Variants in KIAA1958 observed in about 807,000 individuals in gnomAD.
KIAA1958 encodes the protein KIAA1958, also known as uncharacterized protein KIAA1958.
KIAA1958 carries 14 observed loss-of-function variants against 47.2 expected under a neutral mutation model. The ratio of observed to expected loss-of-function variants is 0.30; its 90% CI spans 0.20 to 0.46. The LOEUF is 0.46. Ranked by LOEUF, KIAA1958 falls within the 20% of genes least tolerant of loss-of-function variation. KIAA1958 has a pLI of 1.00. For synonymous variants in KIAA1958, 354 were observed against 353.3 expected, an observed-to-expected ratio of 1.00 and a Z score of -0.02; for missense variants, 803 against 909.2, an observed-to-expected ratio of 0.88 and a Z score of 1.50.
intron 1 of KIAA1958, among the ~76,000 whole-genome samples, chr9:112,529,499 C>T (rs1275902296): frequency 6.6e-6 from 1 of 152,062 alleles, no homozygotes; most frequent in East Asian, 1.9e-4. Context: ...TTCAGACTTT[C>T]TTTGTTTTTG....
chr9:112,657,794 T>C (rs1837176352), intron 3 of KIAA1958, among the ~76,000 whole-genome samples: 1 of 152,176 alleles, frequency 6.6e-6, no homozygotes, highest in South Asian at 2.1e-4. Context: ...CTTCCTTCTC[T>C]TCCACCTCTC....
chr9:112,527,453 TGAA>T (rs1169154197), intron 1 of KIAA1958, among the ~76,000 whole-genome samples: 1 of 152,186 alleles, frequency 6.6e-6, no homozygotes, highest in East Asian at 1.9e-4. Context: ...AGGATGAAGT[TGAA>T]GAAGAAAGCA....
At chr9:112,569,180 A>G (rs1168176353) in intron 1 of KIAA1958, among the ~76,000 whole-genome samples, 1 of 152,086 alleles carries the variant, frequency 6.6e-6, no homozygotes, top group Non-Finnish European at 1.5e-5. Flanking sequence ...AAATTCTTGT[A>G]TGATTCCATA....
chr9:112,537,370 G>A (rs557583808), intron 1 of KIAA1958, among the ~76,000 whole-genome samples: 31 of 152,220 alleles, frequency 2.0e-4, no homozygotes, highest in Admixed American at 3.9e-4. Flanking sequence ...CAAAGTGCTG[G>A]GATTACAGGC....
chr9:112,533,636 C>A (rs1834805737), intron 1 of KIAA1958, among the ~76,000 whole-genome samples: 1 of 150,780 alleles, frequency 6.6e-6, no homozygotes, highest in Admixed American at 6.6e-5. Context: ...CACAGTTTCC[C>A]ATTGCTGGGG....
chr9:112,521,960 A>ACTTT (rs910028438), intron 1 of KIAA1958, among the ~76,000 whole-genome samples: 4 of 27,722 alleles, frequency 1.4e-4, no homozygotes, highest in Non-Finnish European at 3.5e-4. Flanking sequence ...GTTTTAAATA[A>ACTTT]CTTTATTTAT....
At chr9:112,604,316 C>T (rs1321239650) in intron 2 of KIAA1958, among the ~76,000 whole-genome samples, 1 of 152,148 alleles carries the variant, frequency 6.6e-6, no homozygotes, top group Non-Finnish European at 1.5e-5. Context: ...TGAGGCTGTT[C>T]CTGAGACCCC....
rs141088207 is a variant in KIAA1958, at chr9:112,579,910, C to T, written c.1171+4659C>T. Reference sequence around the variant, plus strand: ...ATAGTCCAAGGACAGATTTTCAAACCAGCTTTCACTCAGGCTCAGACAGCA... The same window carrying T: ...ATAGTCCAAGGACAGATTTTCAAACTAGCTTTCACTCAGGCTCAGACAGCA... On this transcript the variant is annotated intron_variant, in intron 2 of 3. Coordinates refer to ENST00000337530, the MANE Select transcript of KIAA1958 (RefSeq NM_133465.4). 9.1e-3 allele frequency among the ~76,000 whole-genome samples: 1,389 copies of T among 152,264 alleles called. 5 individuals carry two copies. The highest frequency in any genetic ancestry group is 0.014 in the Non-Finnish European group (978 of 68,024).
At chr9:112,494,115 C>G (rs1332661670) in intron 1 of KIAA1958, among the ~76,000 whole-genome samples, 1 of 152,122 alleles carries the variant, frequency 6.6e-6, no homozygotes, top group East Asian at 1.9e-4. Flanking sequence ...ACTGTAATAC[C>G]AATATGATTT....
intron 2 of KIAA1958, among the ~76,000 whole-genome samples, chr9:112,598,586 C>A (rs1003619838): frequency 6.6e-6 from 1 of 152,110 alleles, no homozygotes; most frequent in African/African-American, 2.4e-5. Flanking sequence ...AACCCTTATT[C>A]AAGTCTTAAA....
chr9:112,555,602 T>C (rs1242279628), intron 1 of KIAA1958, among the ~76,000 whole-genome samples: 1 of 152,228 alleles, frequency 6.6e-6, no homozygotes, highest in East Asian at 1.9e-4. Context: ...ATGGATGGCA[T>C]CTTCTCGTCT....
chr9:112,604,691 A>G (rs981995278), intron 2 of KIAA1958, among the ~76,000 whole-genome samples: 2 of 152,068 alleles, frequency 1.3e-5, no homozygotes, highest in Non-Finnish European at 2.9e-5. Flanking sequence ...GACATTTTTA[A>G]TATGCATTTT....
intron 1 of KIAA1958, among the ~76,000 whole-genome samples, chr9:112,568,936 T>TAAAAAAAAAAAAAAAAAAAAAAAAAAAAA (rs57898820): frequency 2.7e-5 from 1 of 36,454 alleles, no homozygotes; most frequent in Non-Finnish European, 4.5e-5. Context: ...ATAGGAAAAC[T>TAAAAAAAAAAAAAAAAAAAAAAAAAAAAA]AAAAAAAAAA....
intron 1 of KIAA1958, among the ~76,000 whole-genome samples, chr9:112,529,843 T>A (rs1032333352): frequency 2.3e-3 from 1 of 440 alleles, no homozygotes; most frequent in Non-Finnish European, 4.4e-3. Flanking sequence ...CTCCTCTTAC[T>A]TTTTTTTTTT....
intron 1 of KIAA1958, among the ~76,000 whole-genome samples, chr9:112,501,453 A>C (rs1430455945): frequency 3.9e-5 from 6 of 152,194 alleles, no homozygotes. Flanking sequence ...TTGAAAAAAA[A>C]CAAAATGAAA....
chr9:112,645,729 C>A lies in KIAA1958; in HGVS notation c.1251C>A (p.Ser417Arg), dbSNP rs1405856252. Residue 417 changes from serine (S) to arginine (R), a missense_variant, in exon 3 of 4, where the codon AGC becomes AGA. Physicochemically the swap from Ser to Arg is moderately radical, Grantham distance 110. Coordinates refer to ENST00000337530, the MANE Select transcript of KIAA1958 (RefSeq NM_133465.4). ...ATGATCTGTGTACCAGTGCAGTAAG[C>A]CCAAATACTACCAAAGCCACGCGGT... ...DLNDLCTSAV[S>R]PNTTKATRYA... 1 of 1,613,796 alleles carries A rather than the reference C, an allele frequency of 6.2e-7. No homozygotes were observed. The highest frequency in any genetic ancestry group is 8.5e-7 in the Non-Finnish European group (1 of 1,179,892).
chr9:112,487,064 G>T lies in KIAA1958; in HGVS notation c.-79G>T. 1 of 222,934 alleles carries T rather than the reference G, an allele frequency of 4.5e-6. No homozygotes were observed. Among genetic ancestry groups the T allele is most frequent in the South Asian group, 4.8e-5 (1 of 20,850 alleles). 13.8% of individuals were successfully genotyped at this position (222,934 alleles called of 1,614,324 possible). On this transcript the variant is annotated 5_prime_UTR_variant, in exon 1 of 4. Transcript: ENST00000337530. ...GTCCAGCCCGGGCTGCCCGGCTCTCGCAGGCCCCCCCGCGCCGACCGCGTT... is the reference window on the plus strand; with the variant it reads ...GTCCAGCCCGGGCTGCCCGGCTCTCTCAGGCCCCCCCGCGCCGACCGCGTT...
rs11327633 is a variant in KIAA1958, at chr9:112,645,135, CAA to C, written c.1172-500_1172-499del. 5.0e-3 allele frequency among the ~76,000 whole-genome samples: 684 copies of C among 136,312 alleles called. 1 individual carries two copies. Among genetic ancestry groups the C allele is most frequent in the African/African-American group, 0.01 (365 of 36,442 alleles). 89.4% of individuals were successfully genotyped at this position (136,312 alleles called of 152,430 possible). On this transcript the variant is annotated intron_variant, in intron 2 of 3. Transcript: ENST00000337530. ...GGGCGATAAGCGCAAAACTTTGTCT[CAA>C]AAAAAAAAAAAAAATGCTAACACCA...
chr9:112,523,790 G>T (rs1454962699), intron 1 of KIAA1958, among the ~76,000 whole-genome samples: 1 of 152,162 alleles, frequency 6.6e-6, no homozygotes, highest in Non-Finnish European at 1.5e-5. Context: ...GATAACTGAG[G>T]GAACACTTAG....
Sources: gnomAD v4.1 joint callset for allele counts (sites outside exome capture counted in the v4.1 genomes callset) on GRCh38, gnomAD v4.1.1 for gene constraint, MANE v1.5 for transcripts, NCBI Gene and HGNC (gene_info 2026-07-23, HGNC 2026-07-21) for gene names.